CUX1: variants seen among roughly 807,000 people sequenced by gnomAD.
CUX1 encodes the protein cut like homeobox 1.
In CUX1, 31 loss-of-function variants were observed where a neutral mutation model predicts 158.8. The observed-to-expected ratio is 0.20, with a 90% confidence interval of 0.15 to 0.26. The LOEUF (loss-of-function observed/expected upper bound fraction) is 0.26. CUX1 is among the 10% of genes least tolerant of loss of function. The pLI, the probability that CUX1 is intolerant of heterozygous loss-of-function variation, is 1.00. For missense variants in CUX1, 1,589 were observed against 2,014.6 expected, an observed-to-expected ratio of 0.79 and a Z score of 4.04; for synonymous variants, 879 against 862.1, an observed-to-expected ratio of 1.02 and a Z score of -0.34.
rs10589615 is a variant in CUX1 at position 101,893,158 on chromosome 7, C to CTTTTTTTTTTTTTTTTTTTTTTTT, written c.31-22953_31-22930dup. Among the ~76,000 whole-genome samples the CTTTTTTTTTTTTTTTTTTTTTTTT allele has an allele frequency of 9.2e-5, 6 of 64,930 alleles. 3 individuals carry two copies. Among genetic ancestry groups the CTTTTTTTTTTTTTTTTTTTTTTTT allele is most frequent in the Non-Finnish European group, 1.6e-4 (6 of 36,624 alleles). The allele number at this position is 64,930 out of a possible 152,430, so 42.6% of individuals were successfully genotyped here. ...TTCTTTTTACTTTTTATTTTTATTACTTTTTTTTTTTTTTTTTTTTTTTTT... is the reference window on the plus strand; with the variant it reads ...TTCTTTTTACTTTTTATTTTTATTACTTTTTTTTTTTTTTTTTTTTTTTTTTTTTTTTTTTTTTTTTTTTTTTTT... On this transcript the variant is annotated intron_variant, in intron 1 of 23. Coordinates refer to ENST00000292535, the MANE Select transcript of CUX1 (RefSeq NM_181552.4).
intron 11 of CUX1, among the ~76,000 whole-genome samples, chr7:102,179,084 G>T (rs924983968): frequency 6.6e-6 from 1 of 151,804 alleles, no homozygotes; most frequent in East Asian, 1.9e-4. Context: ...TTTCATTCTT[G>T]TCACACAAGC....
Position 102,232,758 on chromosome 7 carries a change from G to A in CUX1, c.3434-1294G>A, listed in dbSNP as rs1009144009. On this transcript the variant is annotated intron_variant, in intron 21 of 23. Coordinates refer to ENST00000292535, the MANE Select transcript of CUX1 (RefSeq NM_181552.4). ...TCAATGCGGCTGTGCTCTCCATAGC[G>A]AAATGCCCTCTGATCAGCCTGTGAA... Among the ~76,000 whole-genome samples, 6 of 152,310 alleles carry A rather than the reference G, an allele frequency of 3.9e-5. No individual in the cohort carries two copies. In the East Asian group the frequency reaches 5.8e-4, roughly 15 times the overall value.
In CUX1 at chr7:101,916,389, A is replaced by C. The variant is rs115197789; in HGVS notation, c.141+164A>C. The C allele has an allele frequency of 1.8e-6, 1 of 549,636 alleles. No individual in the cohort carries two copies. Among genetic ancestry groups the C allele is most frequent in the African/African-American group, 1.9e-5 (1 of 52,912 alleles). The allele number at this position is 549,636 out of a possible 1,614,324, so 34.0% of individuals were successfully genotyped here. A position where few individuals can be genotyped will look rare whatever the true frequency, so the allele number is the denominator to read the frequency against. On this transcript the variant is annotated intron_variant, in intron 2 of 23. Transcript: ENST00000292535. The surrounding 1 kb of genome is among the most constrained non-coding windows in gnomAD (Gnocchi z 4.4). ...TTCAGCCCCATTTCCAGCAGAACGCATGCCATCCTGCAGGCTGTGGGGATG... is the reference window on the plus strand; with the variant it reads ...TTCAGCCCCATTTCCAGCAGAACGCCTGCCATCCTGCAGGCTGTGGGGATG...
At chr7:101,835,751 T>C (rs1794551968) in intron 1 of CUX1, among the ~76,000 whole-genome samples, 1 of 152,212 alleles carries the variant, frequency 6.6e-6, no homozygotes, top group Non-Finnish European at 1.5e-5. Flanking sequence ...TTTGTTTATT[T>C]TGAGTTGGAG....
At chr7:102,200,689 C>T (rs894294927) in intron 17 of CUX1, among the ~76,000 whole-genome samples, 1 of 151,364 alleles carries the variant, frequency 6.6e-6, no homozygotes, top group African/African-American at 2.4e-5. Flanking sequence ...TTTGACAGAA[C>T]CACTTGCATT....
At chr7:102,034,917 G>A (rs1412874763) in intron 3 of CUX1, among the ~76,000 whole-genome samples, 1 of 151,952 alleles carries the variant, frequency 6.6e-6, no homozygotes, top group Non-Finnish European at 1.5e-5. Flanking sequence ...CTGGGCAACA[G>A]ATCAAGATTC....
intron 1 of CUX1, among the ~76,000 whole-genome samples, chr7:101,863,363 T>C (rs1176865316): frequency 6.6e-6 from 1 of 151,414 alleles, no homozygotes; most frequent in Non-Finnish European, 1.5e-5. Context: ...TTCTTCTTTT[T>C]TTTTTGAGAT....
At chr7:101,922,987 G>A (rs925468056) in intron 2 of CUX1, among the ~76,000 whole-genome samples, 2 of 152,364 alleles carry the variant, frequency 1.3e-5, no homozygotes, top group African/African-American at 2.4e-5. Context: ...TAGCTTTTCC[G>A]TTTGCCGTTT....
At chr7:101,843,731 C>G (rs1262587666) in intron 1 of CUX1, among the ~76,000 whole-genome samples, 3 of 152,130 alleles carry the variant, frequency 2.0e-5, no homozygotes, top group Non-Finnish European at 4.4e-5. Flanking sequence ...TCCCTTCAGC[C>G]TGTTGAGATC....
intron 1 of CUX1, among the ~76,000 whole-genome samples, chr7:101,901,525 C>T (rs1173928685): frequency 6.6e-6 from 1 of 152,106 alleles, no homozygotes; most frequent in East Asian, 1.9e-4. Context: ...GAACTCCTGA[C>T]CTCAGGTGAT....
intron 20 of CUX1, among the ~76,000 whole-genome samples, chr7:102,208,509 G>T (rs1436209283): frequency 2.6e-5 from 4 of 152,236 alleles, no homozygotes; most frequent in African/African-American, 9.6e-5. Flanking sequence ...CTAAAGTGCT[G>T]GGATTATAGG....
At chr7:102,128,321 G>A (rs186238780) in intron 8 of CUX1, among the ~76,000 whole-genome samples, 20 of 152,292 alleles carry the variant, frequency 1.3e-4, no homozygotes, top group African/African-American at 4.8e-4. Context: ...GCACGGCTCA[G>A]AGACCCTGAC....
chr7:102,148,560 A>C (rs1341871289), intron 8 of CUX1, among the ~76,000 whole-genome samples: 2 of 151,724 alleles, frequency 1.3e-5, no homozygotes, highest in African/African-American at 4.8e-5. Context: ...AACAAACAAA[A>C]AAACAAAAAA....
At chr7:102,053,322 G>A (rs187141695) in intron 3 of CUX1, among the ~76,000 whole-genome samples, 9 of 151,932 alleles carry the variant, frequency 5.9e-5, no homozygotes, top group East Asian at 1.9e-4. Flanking sequence ...TTGTGGGGAT[G>A]TATATATATA....
chr7:102,060,911 CTTTTTTTTTTTT>C (rs1039443388), intron 3 of CUX1, among the ~76,000 whole-genome samples: 3 of 79,488 alleles, frequency 3.8e-5, no homozygotes, highest in South Asian at 4.1e-4. Flanking sequence ...CGCGCCTGGC[CTTTTTTTTTTTT>C]TTTTTTTTTT....
At chr7:102,101,205 G>C (rs1829735969) in intron 5 of CUX1, among the ~76,000 whole-genome samples, 1 of 152,192 alleles carries the variant, frequency 6.6e-6, no homozygotes, top group Non-Finnish European at 1.5e-5. Context: ...ACTATATCAG[G>C]TACATAATAA....
At chr7:102,063,472 G>T (rs889760583) in intron 3 of CUX1, among the ~76,000 whole-genome samples, 1 of 137,690 alleles carries the variant, frequency 7.3e-6, no homozygotes, top group Non-Finnish European at 1.5e-5. Flanking sequence ...CACTGCAAGC[G>T]CGGCCTCCCG....
chr7:102,198,787 C>T lies in CUX1; in HGVS notation c.1895-15C>T. The T allele has an allele frequency of 6.2e-7, 1 of 1,612,778 alleles. No individual in the cohort carries two copies. Among genetic ancestry groups the T allele is most frequent in the South Asian group, 1.1e-5 (1 of 91,060 alleles). ...CCCTGATTGTTTTGTTCTTACCACA[C>T]TTGTTTTTCAACAGAGAATCCAGGC... On this transcript the variant is annotated splice_polypyrimidine_tract_variant and intron_variant, in intron 15 of 23. Transcript: ENST00000292535.
chr7:101,935,519 C>G (rs1274532795), intron 2 of CUX1, among the ~76,000 whole-genome samples: 1 of 152,258 alleles, frequency 6.6e-6, no homozygotes, highest in East Asian at 1.9e-4. Flanking sequence ...CATGCTGGCA[C>G]ATCTGCTGTG....
Sources: gnomAD v4.1 joint callset for allele counts (sites outside exome capture counted in the v4.1 genomes callset) on GRCh38, gnomAD v4.1.1 for gene constraint, Gnocchi (gnomAD v3.1) non-coding constraint, MANE v1.5 for transcripts, NCBI Gene and HGNC (gene_info 2026-07-23, HGNC 2026-07-21) for gene names.